The following GABRB2 variants were observed in gnomAD, a reference collection of about 807,000 sequenced individuals.
The protein encoded by GABRB2 is gamma-aminobutyric acid receptor subunit beta-2.
GABRB2 carries 16 observed loss-of-function variants against 54.7 expected under a neutral mutation model. That is an observed-to-expected ratio of 0.29 (90% CI 0.20 to 0.44). GABRB2 has a LOEUF of 0.44. Ranked by LOEUF, GABRB2 falls within the 20% of genes least tolerant of loss-of-function variation. The pLI, the probability that GABRB2 is intolerant of heterozygous loss-of-function variation, is 1.00. For missense variants in GABRB2, 355 were observed against 644.0 expected (o/e 0.55, Z 4.86); for synonymous variants, 244 against 233.8 (o/e 1.04, Z -0.40).
intron 9 of GABRB2, among the ~76,000 whole-genome samples, chr5:161,295,685 G>A (rs1031452636): frequency 6.6e-6 from 1 of 152,182 alleles, no homozygotes; most frequent in Non-Finnish European, 1.5e-5. Context: ...ACTTTCAACT[G>A]TGGTTTAATG....
At chr5:161,295,987 C>T (rs963271710) in intron 9 of GABRB2, among the ~76,000 whole-genome samples, 4 of 152,172 alleles carry the variant, frequency 2.6e-5, no homozygotes, top group African/African-American at 9.7e-5. Flanking sequence ...AAGGAAGGAA[C>T]ATTTAAAGGT....
At chr5:161,301,912 C>G (rs910253590) in intron 9 of GABRB2, among the ~76,000 whole-genome samples, 3 of 152,150 alleles carry the variant, frequency 2.0e-5, no homozygotes, top group African/African-American at 4.8e-5. Context: ...TCAAGCATGC[C>G]GATGCCAACA....
Position 161,326,474 on chromosome 5 carries a change from T to TA in GABRB2, c.1084dup (p.Tyr362LeufsTer2). On this transcript the variant is annotated frameshift_variant, in exon 9 of 10. Transcript: ENST00000393959. LOFTEE classifies it high-confidence loss of function. ...GGTCCCATTTTGTTTAATATCTTTATAAAAAATCTGGAAGACAAAGTAGAG... is the reference window on the plus strand; with the variant it reads ...GGTCCCATTTTGTTTAATATCTTTATAAAAAAATCTGGAAGACAAAGTAGAG... 1 of 1,613,036 alleles carries TA rather than the reference T, an allele frequency of 6.2e-7. No individual in the cohort carries two copies. Among genetic ancestry groups the TA allele is most frequent in the South Asian group, 1.1e-5 (1 of 90,966 alleles).
At chr5:161,522,941 A>G (rs973824748) in intron 3 of GABRB2, among the ~76,000 whole-genome samples, 5 of 150,246 alleles carry the variant, frequency 3.3e-5, no homozygotes, top group Admixed American at 6.7e-5. Context: ...AAATTTGTGT[A>G]TGTGTGTGTG....
intron 3 of GABRB2, among the ~76,000 whole-genome samples, chr5:161,538,875 G>A (rs1760727511): frequency 6.6e-6 from 1 of 152,130 alleles, no homozygotes; most frequent in African/African-American, 2.4e-5. Context: ...GAGGTCAGGG[G>A]ATGGGTTGGT....
chr5:161,401,577 A>G (rs2910284), intron 5 of GABRB2, among the ~76,000 whole-genome samples: 84,696 of 152,054 alleles, frequency 0.56, 25,444 homozygotes, highest in South Asian at 0.67. Flanking sequence ...ACCTTGTACA[A>G]TAATTGTAAT....
intron 4 of GABRB2, among the ~76,000 whole-genome samples, chr5:161,453,528 C>A (rs1018578943): frequency 1.3e-5 from 2 of 152,118 alleles, no homozygotes; most frequent in Admixed American, 6.5e-5. Context: ...AATCAGGAAA[C>A]CTGCCCTCAT....
chr5:161,430,620 A>G (rs1190099245), intron 4 of GABRB2, among the ~76,000 whole-genome samples: 1 of 152,180 alleles, frequency 6.6e-6, no homozygotes, highest in East Asian at 1.9e-4. Context: ...GCTTGATAAC[A>G]TGCTATCATG....
chr5:161,523,158 T>C (rs1760170147), intron 3 of GABRB2, among the ~76,000 whole-genome samples: 1 of 151,538 alleles, frequency 6.6e-6, no homozygotes, highest in South Asian at 2.1e-4. Flanking sequence ...ATAACATAGC[T>C]AGTAAGTGGC....
chr5:161,456,672 T>C (rs1757963441), intron 4 of GABRB2, among the ~76,000 whole-genome samples: 1 of 152,138 alleles, frequency 6.6e-6, no homozygotes, highest in South Asian at 2.1e-4. Context: ...TTTGCTGGGT[T>C]AAAGTTAATA....
chr5:161,406,244 T>C lies in GABRB2; in HGVS notation c.541+4731A>G, dbSNP rs568579357. On this transcript the variant is annotated intron_variant, in intron 5 of 9. Coordinates refer to ENST00000393959, the MANE Select transcript of GABRB2 (RefSeq NM_001371727.1). ...CCCATCTTTGGATTTTGAAGCTAGC[T>C]ATTAATTATTTTCCCTACAAAGTAA... is the stretch of plus-strand genomic sequence containing the variant. 2.6e-5 allele frequency among the ~76,000 whole-genome samples: 4 copies of C among 152,268 alleles called. No individual in the cohort carries two copies. The South Asian group carries it at 6.2e-4, about 24-fold the overall frequency.
At chr5:161,343,890 G>A (rs555062982) in intron 5 of GABRB2, among the ~76,000 whole-genome samples, 100 of 152,202 alleles carry the variant, frequency 6.6e-4, no homozygotes, top group African/African-American at 2.3e-3. Flanking sequence ...TACAGAGTAG[G>A]CCAATGCTTC....
chr5:161,453,276 T>C (rs1254112904), intron 4 of GABRB2, among the ~76,000 whole-genome samples: 1 of 152,194 alleles, frequency 6.6e-6, no homozygotes, highest in Non-Finnish European at 1.5e-5. Context: ...AAATATTTAA[T>C]TTTATAATTA....
At chr5:161,502,523 T>C (rs1317893738) in intron 3 of GABRB2, among the ~76,000 whole-genome samples, 1 of 152,116 alleles carries the variant, frequency 6.6e-6, no homozygotes, top group African/African-American at 2.4e-5. Context: ...GTTTCTTCTC[T>C]CTCTACTGCC....
intron 3 of GABRB2, among the ~76,000 whole-genome samples, chr5:161,541,907 T>C (rs1356833637): frequency 6.6e-6 from 1 of 152,246 alleles, no homozygotes; most frequent in African/African-American, 2.4e-5. Flanking sequence ...CCTAGCTATC[T>C]GCCTGTCCCA....
chr5:161,304,713 G>A (rs1473228889), intron 9 of GABRB2, among the ~76,000 whole-genome samples: 1 of 151,724 alleles, frequency 6.6e-6, no homozygotes, highest in Non-Finnish European at 1.5e-5. Context: ...TAATATTCAG[G>A]TTGAGATAGG....
chr5:161,470,058 T>C (rs1261549830), intron 3 of GABRB2, among the ~76,000 whole-genome samples: 1 of 147,358 alleles, frequency 6.8e-6, no homozygotes, highest in Non-Finnish European at 1.5e-5. Context: ...ATACATCTTT[T>C]CTTTCCTTTC....
rs1187337976 is a variant in GABRB2 at position 161,292,845 on chromosome 5, C to G, written c.*1236G>C. On this transcript the variant is annotated 3_prime_UTR_variant, in exon 10 of 10. Coordinates refer to ENST00000393959, the MANE Select transcript of GABRB2 (RefSeq NM_001371727.1). Reference sequence around the variant, plus strand: ...TATAAGAAAATATAGTTCACTCAATCTCTCCAAAGCCTTACTTTGCCAGTC... The same window carrying G: ...TATAAGAAAATATAGTTCACTCAATGTCTCCAAAGCCTTACTTTGCCAGTC... 1 of 152,138 alleles carries G rather than the reference C, an allele frequency of 6.6e-6. No homozygotes were observed. Among genetic ancestry groups the G allele is most frequent in the Non-Finnish European group, 1.5e-5 (1 of 68,010 alleles). 9.4% of individuals were successfully genotyped at this position (152,138 alleles called of 1,614,324 possible).
chr5:161,393,740 G>A (rs1482936094), intron 5 of GABRB2, among the ~76,000 whole-genome samples: 2 of 151,802 alleles, frequency 1.3e-5, no homozygotes, highest in African/African-American at 4.8e-5. Flanking sequence ...AACAAATAAT[G>A]GCCTCAAGAT....
Sources: gnomAD v4.1 joint callset for allele counts (sites outside exome capture counted in the v4.1 genomes callset) on GRCh38, gnomAD v4.1.1 for gene constraint, MANE v1.5 for transcripts, NCBI Gene and HGNC (gene_info 2026-07-23, HGNC 2026-07-21) for gene names.